RASSF8: variants seen among roughly 807,000 people sequenced by gnomAD.
RASSF8 encodes Ras association domain family member 8.
A neutral mutation model predicts 48.5 loss-of-function variants in RASSF8; 22 were observed. That is an observed-to-expected ratio of 0.45 (90% CI 0.32 to 0.65). The LOEUF is 0.65. Ranked by LOEUF, RASSF8 falls within the 30% of genes least tolerant of loss-of-function variation. The probability of loss-of-function intolerance (pLI) is 0.03; values close to 1 mark genes in which losing one functional copy is unlikely to be tolerated. For missense variants in RASSF8, 418 were observed against 489.2 expected (o/e 0.85, Z 1.37); for synonymous variants, 127 against 171.5 (o/e 0.74, Z 2.03).
chr12:26,008,709 T>C (rs1942453021), intron 2 of RASSF8, among the ~76,000 whole-genome samples: 1 of 152,224 alleles, frequency 6.6e-6, no homozygotes, highest in South Asian at 2.1e-4. Context: ...TGACCTCAGC[T>C]CTCTAGTACC....
At chr12:25,981,122 C>A (rs1941732657) in intron 1 of RASSF8, among the ~76,000 whole-genome samples, 1 of 152,060 alleles carries the variant, frequency 6.6e-6, no homozygotes, top group Admixed American at 6.6e-5. Flanking sequence ...AATAACAGGA[C>A]CTTTCATTCT....
chr12:26,008,792 G>T (rs969668422), intron 2 of RASSF8, among the ~76,000 whole-genome samples: 1 of 152,130 alleles, frequency 6.6e-6, no homozygotes, highest in East Asian at 1.9e-4. Context: ...TACTTGGAAG[G>T]TACTTTGGAG....
intron 2 of RASSF8, among the ~76,000 whole-genome samples, chr12:26,008,457 G>A (rs963176719): frequency 6.6e-6 from 1 of 152,142 alleles, no homozygotes; most frequent in Non-Finnish European, 1.5e-5. Flanking sequence ...TGGGAATTAT[G>A]TAAGGGATAC....
chr12:25,960,840 G>T (rs1240798583), intron 1 of RASSF8, among the ~76,000 whole-genome samples: 1 of 152,180 alleles, frequency 6.6e-6, no homozygotes. Flanking sequence ...GTGCAGGCAG[G>T]AAAGGCACTT....
intron 2 of RASSF8, among the ~76,000 whole-genome samples, chr12:26,054,632 G>A (rs1457823238): frequency 6.6e-6 from 1 of 152,116 alleles, no homozygotes; most frequent in African/African-American, 2.4e-5. Flanking sequence ...GGGAGAGGGA[G>A]GCAAGGGACA....
chr12:26,002,747 T>A (rs1250623170), intron 2 of RASSF8, among the ~76,000 whole-genome samples: 1 of 152,156 alleles, frequency 6.6e-6, no homozygotes, highest in African/African-American at 2.4e-5. Flanking sequence ...ATCTCTTGGA[T>A]GTCTTTTATT....
chr12:26,074,321 GA>G (rs199555290), downstream of RASSF8, among the ~76,000 whole-genome samples: 1,990 of 152,128 alleles, frequency 0.013, 46 homozygotes, highest in African/African-American at 0.045. Context: ...ACTGGAGTGA[GA>G]TGCATATATT....
chr12:26,026,209 A>T (rs931646204), intron 2 of RASSF8, among the ~76,000 whole-genome samples: 1 of 152,212 alleles, frequency 6.6e-6, no homozygotes, highest in African/African-American at 2.4e-5. Flanking sequence ...ATGGGAAAAT[A>T]TTTGCAAATA....
At chr12:26,053,256 G>C (rs1205341800) in intron 2 of RASSF8, among the ~76,000 whole-genome samples, 5 of 151,304 alleles carry the variant, frequency 3.3e-5, no homozygotes, top group Admixed American at 3.3e-4. Context: ...GCTTTAATGA[G>C]ATCTGTACCC....
chr12:25,995,573 T>C (rs1942113828), intron 2 of RASSF8, among the ~76,000 whole-genome samples: 1 of 152,196 alleles, frequency 6.6e-6, no homozygotes, highest in Non-Finnish European at 1.5e-5. Flanking sequence ...CTTTTCTCTA[T>C]AATAATCTTG....
intron 2 of RASSF8, among the ~76,000 whole-genome samples, chr12:26,016,206 G>T (rs1339931519): frequency 4.9e-5 from 7 of 144,072 alleles, no homozygotes; most frequent in Non-Finnish European, 7.6e-5. Flanking sequence ...CTGTTTTTGG[G>T]TTTTTTTTTT....
chr12:26,028,597 C>T (rs768783372), intron 2 of RASSF8, among the ~76,000 whole-genome samples: 10 of 152,066 alleles, frequency 6.6e-5, no homozygotes, highest in Non-Finnish European at 1.0e-4. Flanking sequence ...CTTGCAGCTA[C>T]GGTAAGTGAC....
chr12:26,008,058 G>C (rs554400416), intron 2 of RASSF8, among the ~76,000 whole-genome samples: 1 of 152,266 alleles, frequency 6.6e-6, no homozygotes, highest in South Asian at 2.1e-4. Flanking sequence ...CAGATCTCAA[G>C]GTCAGGAGAC....
intron 2 of RASSF8, among the ~76,000 whole-genome samples, chr12:26,019,908 ATGTGTCTC>A (rs1942747828): frequency 6.6e-6 from 1 of 152,124 alleles, no homozygotes; most frequent in South Asian, 2.1e-4. Context: ...TTTTTAAACT[ATGTGTCTC>A]TGAGGTACCT....
At chr12:26,041,997 C>T (rs893356093) in intron 2 of RASSF8, among the ~76,000 whole-genome samples, 3 of 152,112 alleles carry the variant, frequency 2.0e-5, no homozygotes, top group African/African-American at 7.2e-5. Context: ...GGATGAATTG[C>T]TGATGATTGT....
chr12:25,958,676 C>T (rs1941141338), upstream of RASSF8: 3 of 146,614 alleles, frequency 2.0e-5, no homozygotes, highest in African/African-American at 7.3e-5. Flanking sequence ...GCCCGGCCCC[C>T]AGCCCAGAGG....
intron 1 of RASSF8, among the ~76,000 whole-genome samples, chr12:25,982,521 A>G (rs1321924931): frequency 6.6e-6 from 1 of 152,224 alleles, no homozygotes; most frequent in Non-Finnish European, 1.5e-5. Context: ...AAATTATGTA[A>G]GATGTATCCC....
chr12:25,961,073 T>C (rs1048601174), intron 1 of RASSF8, among the ~76,000 whole-genome samples: 1 of 152,346 alleles, frequency 6.6e-6, no homozygotes, highest in East Asian at 1.9e-4. Context: ...TTGGCTCTTG[T>C]AGGCTTCTAT....
intron 1 of RASSF8, among the ~76,000 whole-genome samples, chr12:25,960,767 G>A (rs61914182): frequency 0.072 from 10,974 of 152,178 alleles, 446 homozygotes; most frequent in Non-Finnish European, 0.09. Flanking sequence ...CAAATCTTAT[G>A]TCTGGGCTTT....
Sources: gnomAD v4.1 joint callset for allele counts (sites outside exome capture counted in the v4.1 genomes callset) on GRCh38, gnomAD v4.1.1 for gene constraint, MANE v1.5 for transcripts, NCBI Gene and HGNC (gene_info 2026-07-23, HGNC 2026-07-21) for gene names.